The following ZCWPW2 variants were observed in gnomAD, a reference collection of about 807,000 sequenced individuals.
ZCWPW2 encodes the protein zinc finger CW-type PWWP domain protein 2.
ZCWPW2 carries 45 observed loss-of-function variants against 46.6 expected under a neutral mutation model. That is an observed-to-expected ratio of 0.96 (90% CI 0.76 to 1.24). ZCWPW2 has a LOEUF of 1.24. Ranked by LOEUF, ZCWPW2 falls within the 50% of genes most tolerant of loss-of-function variation. The pLI is 0.00. For missense variants in ZCWPW2, 429 were observed against 403.9 expected (o/e 1.06, Z -0.53); for synonymous variants, 152 against 137.1 (o/e 1.11, Z -0.76).
intron 4 of ZCWPW2, among the ~76,000 whole-genome samples, chr3:28,455,347 A>G (rs1698385247): frequency 6.6e-6 from 1 of 152,004 alleles, no homozygotes; most frequent in Admixed American, 6.6e-5. Context: ...TTATTTTCTT[A>G]TAAATTTGTT....
chr3:28,391,507 A>G (rs1250953826), intron 2 of ZCWPW2, among the ~76,000 whole-genome samples: 2 of 152,178 alleles, frequency 1.3e-5, no homozygotes, highest in Admixed American at 6.5e-5. Flanking sequence ...CAATATTCTG[A>G]AAGAATAATT....
chr3:28,417,456 T>C (rs1696642360), intron 3 of ZCWPW2, among the ~76,000 whole-genome samples: 1 of 152,120 alleles, frequency 6.6e-6, no homozygotes, highest in South Asian at 2.1e-4. Flanking sequence ...CCTGGTACCA[T>C]TCCTTTTGAA....
At chr3:28,453,714 G>C (rs967713264) in intron 4 of ZCWPW2, among the ~76,000 whole-genome samples, 1 of 151,794 alleles carries the variant, frequency 6.6e-6, no homozygotes, top group African/African-American at 2.4e-5. Context: ...TAGCTGGAGA[G>C]TAACTTCTTG....
Position 28,348,937 on chromosome 3 carries a change from G to A in ZCWPW2, c.-400G>A. ...GGACCAGCACGGGCCGGAGGGAGGG[G>A]AAGCACTCCGGAAAGTGATTGGAAG... is the stretch of plus-strand genomic sequence containing the variant. On this transcript the variant is annotated 5_prime_UTR_variant, in exon 1 of 10. Transcript: ENST00000383768. 4.1e-6 allele frequency: 4 copies of A among 984,590 alleles called. No homozygotes were observed. Among genetic ancestry groups the A allele is most frequent in the Non-Finnish European group, 4.8e-6 (4 of 829,128 alleles). The allele number at this position is 984,590 out of a possible 1,614,324, so 61.0% of individuals were successfully genotyped here. A position where few individuals can be genotyped will look rare whatever the true frequency, so the allele number is the denominator to read the frequency against.
chr3:28,356,512 C>T lies in ZCWPW2; in HGVS notation c.-134+7309C>T, dbSNP rs574473955. ...AGCCATCCCATTACTGGGTATATAC[C>T]GAAAGGATTATAAATCATGCTACTC... On this transcript the variant is annotated intron_variant, in intron 1 of 9. Coordinates refer to ENST00000383768, the MANE Select transcript of ZCWPW2 (RefSeq NM_001040432.4). 1.1e-4 allele frequency among the ~76,000 whole-genome samples: 17 copies of T among 152,172 alleles called. No homozygotes were observed. In the South Asian group the frequency reaches 2.3e-3, roughly 20 times the overall value.
chr3:28,477,343 C>T (rs1432035420), intron 4 of ZCWPW2, among the ~76,000 whole-genome samples: 1 of 152,068 alleles, frequency 6.6e-6, no homozygotes, highest in Non-Finnish European at 1.5e-5. Flanking sequence ...TGTTTCACTG[C>T]TTTTATGTCA....
chr3:28,466,246 C>T (rs994955366), intron 4 of ZCWPW2, among the ~76,000 whole-genome samples: 2 of 152,054 alleles, frequency 1.3e-5, no homozygotes, highest in African/African-American at 4.8e-5. Flanking sequence ...GTGCTCATTG[C>T]CTGGGTGATG....
intron 4 of ZCWPW2, among the ~76,000 whole-genome samples, chr3:28,437,425 A>G (rs746185347): frequency 5.3e-5 from 8 of 152,218 alleles, no homozygotes; most frequent in Non-Finnish European, 1.2e-4. Context: ...AAATTTGCCT[A>G]CAAAGACCTG....
At chr3:28,429,013 A>C in intron 3 of ZCWPW2, among the ~76,000 whole-genome samples, 1 of 152,158 alleles carries the variant, frequency 6.6e-6, no homozygotes, top group East Asian at 1.9e-4. Context: ...TACCACACAG[A>C]GTGGGCTGCT....
At chr3:28,371,747 C>T (rs1382199202) in intron 1 of ZCWPW2, among the ~76,000 whole-genome samples, 1 of 152,030 alleles carries the variant, frequency 6.6e-6, no homozygotes. Context: ...TAACAGGATT[C>T]TTTGCTAAGA....
At chr3:28,399,127 ATTGT>A (rs1461113736) in intron 2 of ZCWPW2, among the ~76,000 whole-genome samples, 10 of 152,120 alleles carry the variant, frequency 6.6e-5, no homozygotes, top group African/African-American at 2.2e-4. Flanking sequence ...GGCCCTTCAG[ATTGT>A]TTGGCAGCTG....
chr3:28,502,257 A>G (rs1056705211), intron 6 of ZCWPW2, among the ~76,000 whole-genome samples: 7 of 152,152 alleles, frequency 4.6e-5, no homozygotes, highest in African/African-American at 1.7e-4. Flanking sequence ...AAATATTACA[A>G]TTAGAGAAAA....
chr3:28,471,462 A>G (rs1252072690), intron 4 of ZCWPW2, among the ~76,000 whole-genome samples: 1 of 152,176 alleles, frequency 6.6e-6, no homozygotes, highest in Middle Eastern at 3.2e-3. Flanking sequence ...ACACAAATCA[A>G]TCAGTGTGGC....
chr3:28,373,298 C>G (rs1227763386), intron 1 of ZCWPW2, among the ~76,000 whole-genome samples: 1 of 152,178 alleles, frequency 6.6e-6, no homozygotes, highest in African/African-American at 2.4e-5. Flanking sequence ...TCCCCTTTCT[C>G]CACATCCTTA....
chr3:28,445,239 C>T (rs1697942845), intron 4 of ZCWPW2, among the ~76,000 whole-genome samples: 1 of 151,218 alleles, frequency 6.6e-6, no homozygotes, highest in South Asian at 2.1e-4. Context: ...ACTTGGGTTA[C>T]AGAGTGAGGC....
At chr3:28,389,027 G>T (rs1695384984) in intron 1 of ZCWPW2, among the ~76,000 whole-genome samples, 1 of 152,096 alleles carries the variant, frequency 6.6e-6, no homozygotes, top group Admixed American at 6.6e-5. Flanking sequence ...TGTTGATTTA[G>T]ATCAATAAGG....
At chr3:28,430,679 G>A (rs775643592) in intron 3 of ZCWPW2, among the ~76,000 whole-genome samples, 5 of 152,150 alleles carry the variant, frequency 3.3e-5, no homozygotes, top group Admixed American at 6.5e-5. Flanking sequence ...ATTTCCACAG[G>A]TTGGGGGTGG....
intron 9 of ZCWPW2, among the ~76,000 whole-genome samples, chr3:28,523,153 T>A (rs1700767870): frequency 6.6e-6 from 1 of 152,196 alleles, no homozygotes; most frequent in Non-Finnish European, 1.5e-5. Context: ...TATTTTATGC[T>A]TTCAAACAGC....
Position 28,524,860 on chromosome 3 carries a change from A to G in ZCWPW2, c.*172A>G. On this transcript the variant is annotated 3_prime_UTR_variant, in exon 10 of 10. Transcript: ENST00000383768. The stretch of plus-strand genomic sequence containing the variant: ...ATGGCCATGATTTTTAGAGCCAGTC[A>G]AATGGTATTTAAGTTAGTGTTAAAA... The G allele has an allele frequency of 2.1e-6, 1 of 475,140 alleles. No homozygotes were observed. The highest frequency in any genetic ancestry group is 3.3e-6 in the Non-Finnish European group (1 of 305,774). The allele number at this position is 475,140 out of a possible 1,614,324, so 29.4% of individuals were successfully genotyped here. A position where few individuals can be genotyped will look rare whatever the true frequency, so the allele number is the denominator to read the frequency against.
Sources: allele counts gnomAD v4.1 joint callset (sites outside exome capture counted in the v4.1 genomes callset), GRCh38; gene constraint gnomAD v4.1.1; transcripts MANE v1.5; gene names NCBI Gene and HGNC (gene_info 2026-07-23, HGNC 2026-07-21).